DACH2: variants seen among roughly 807,000 people sequenced by gnomAD.
DACH2 encodes dachshund homolog 2.
A neutral mutation model predicts 35.8 loss-of-function variants in DACH2; 17 were observed. The observed-to-expected ratio is 0.48, with a 90% CI of 0.33 to 0.71. The LOEUF (loss-of-function observed/expected upper bound fraction) is 0.71, where lower values mean the gene tolerates loss of function less well. Ranked by LOEUF, DACH2 falls within the 30% of genes least tolerant of loss-of-function variation. The pLI is 0.02. For missense variants in DACH2, 469 were observed against 472.7 expected, an observed-to-expected ratio of 0.99 and a Z score of 0.07; for synonymous variants, 195 against 177.3, an observed-to-expected ratio of 1.10 and a Z score of -0.79.
At chrX:86,199,625 G>T (rs2032093055) in intron 1 of DACH2, among the ~76,000 whole-genome samples, 1 of 111,843 alleles carries the variant, frequency 8.9e-6, no homozygotes, top group Admixed American at 9.5e-5. Flanking sequence ...CAACAGTCAA[G>T]CTGAGAGCCA....
intron 1 of DACH2, among the ~76,000 whole-genome samples, chrX:86,237,213 C>A (rs1486087566): frequency 2.7e-5 from 3 of 111,550 alleles, no homozygotes; most frequent in East Asian, 2.8e-4. Context: ...AATAACAATA[C>A]CTTCTTCTGT....
intron 1 of DACH2, among the ~76,000 whole-genome samples, chrX:86,313,933 G>T (rs935377496): frequency 8.9e-6 from 1 of 111,736 alleles, no homozygotes; most frequent in African/African-American, 3.3e-5. Flanking sequence ...ACTGCAAATG[G>T]TTTCATTATT....
intron 3 of DACH2, among the ~76,000 whole-genome samples, chrX:86,601,145 C>T (rs1398744257): frequency 3.6e-5 from 4 of 111,154 alleles, no homozygotes; most frequent in African/African-American, 1.3e-4. Flanking sequence ...TCATGGTATT[C>T]GGAATGCACT....
intron 2 of DACH2, among the ~76,000 whole-genome samples, chrX:86,470,940 C>G: frequency 9.0e-6 from 1 of 111,084 alleles, no homozygotes; most frequent in East Asian, 2.8e-4. Context: ...TATTAATTTG[C>G]AAGGCTCAAC....
In DACH2 at chrX:86,494,554, G is replaced by A. The variant is rs141313364; in HGVS notation, c.528-19725G>A. Among the ~76,000 whole-genome samples, 7 of 112,805 alleles carry A rather than the reference G, an allele frequency of 6.2e-5. No homozygotes were observed. In the Admixed American group the frequency reaches 6.6e-4, roughly 11 times the overall value. Reference sequence around the variant, plus strand: ...GTAAGAAATGTCACATGGTGAATGAGCGCAATGAGCAAATAAAATGTTTAA... The same window carrying A: ...GTAAGAAATGTCACATGGTGAATGAACGCAATGAGCAAATAAAATGTTTAA... On this transcript the variant is annotated intron_variant, in intron 2 of 11. Transcript: ENST00000373125.
intron 4 of DACH2, among the ~76,000 whole-genome samples, chrX:86,675,621 G>T (rs770958696): frequency 1.4e-4 from 16 of 111,535 alleles, no homozygotes; most frequent in African/African-American, 4.9e-4. Flanking sequence ...GGTGGTTGAG[G>T]CTGCAGTGAG....
In DACH2 at chrX:86,449,985, A is replaced by G. The variant is rs140445276; in HGVS notation, c.528-64294A>G. Among the ~76,000 whole-genome samples, 486 of 111,446 alleles carry G rather than the reference A, an allele frequency of 4.4e-3. 1 individual carries two copies. Among genetic ancestry groups the G allele is most frequent in the African/African-American group, 0.015 (448 of 30,790 alleles). ...TTTACCAGCGAATTTTATACTTTCA[A>G]ATGATTTCAGGTTACTCATTAATGT... On this transcript the variant is annotated intron_variant, in intron 2 of 11. Transcript: ENST00000373125.
rs186443464 is a variant in DACH2 at position 86,653,728 on chromosome X, C to T, written c.772+2561C>T. On this transcript the variant is annotated intron_variant, in intron 4 of 11. Coordinates refer to ENST00000373125, the MANE Select transcript of DACH2 (RefSeq NM_053281.3). The stretch of plus-strand genomic sequence containing the variant: ...TCACCCAGGCTGGAGTGCAGTGGCA[C>T]GATCTTGGCTCACTACAACCTCTGC... 3.9e-3 allele frequency among the ~76,000 whole-genome samples: 393 copies of T among 99,864 alleles called. 3 individuals carry two copies. Among genetic ancestry groups the T allele is most frequent in the African/African-American group, 0.014 (382 of 26,700 alleles). 86.7% of individuals were successfully genotyped at this position (99,864 alleles called of 115,157 possible).
chrX:86,379,564 A>G (rs1344362391), intron 2 of DACH2, among the ~76,000 whole-genome samples: 1 of 111,275 alleles, frequency 9.0e-6, no homozygotes, highest in Non-Finnish European at 1.9e-5. Flanking sequence ...AATGGTCACA[A>G]TGATTTGTAC....
At chrX:86,527,311 G>A (rs924182427) in intron 3 of DACH2, among the ~76,000 whole-genome samples, 6 of 111,784 alleles carry the variant, frequency 5.4e-5, no homozygotes, top group South Asian at 3.7e-4. Flanking sequence ...AAGATAGTGA[G>A]CATACTCATT....
At position 86,628,695 on chromosome X, in the gene DACH2, T is replaced by C. The variant is rs779912658; in HGVS notation, c.641-22341T>C. Reference sequence around the variant, plus strand: ...TAAAAACAACAAAGAATCATAGTAGTTGCTCTCTGCAGCAACAGAGCATGA... The same window carrying C: ...TAAAAACAACAAAGAATCATAGTAGCTGCTCTCTGCAGCAACAGAGCATGA... On this transcript the variant is annotated intron_variant, in intron 3 of 11. Transcript: ENST00000373125. 6.2e-5 allele frequency among the ~76,000 whole-genome samples: 7 copies of C among 112,234 alleles called. No homozygotes were observed. The East Asian group carries it at 1.1e-3, about 18-fold the overall frequency.
intron 1 of DACH2, among the ~76,000 whole-genome samples, chrX:86,214,984 A>T (rs1209222180): frequency 9.0e-6 from 1 of 111,689 alleles, no homozygotes; most frequent in Non-Finnish European, 1.9e-5. Flanking sequence ...TGATGTCAGG[A>T]TTGGTATAAG....
intron 1 of DACH2, among the ~76,000 whole-genome samples, chrX:86,229,739 G>A (rs2032908843): frequency 9.2e-6 from 1 of 108,597 alleles, no homozygotes; most frequent in African/African-American, 3.4e-5. Flanking sequence ...ATTGTGAAAG[G>A]GGTTGAGTTA....
At chrX:86,610,409 CTTTCTTTCTTTTCTTTCT>C (rs748514173) in intron 3 of DACH2, among the ~76,000 whole-genome samples, 52 of 71,831 alleles carry the variant, frequency 7.2e-4, no homozygotes, top group African/African-American at 2.9e-3. Flanking sequence ...TTCTTTCTTT[CTTTCTTTCTTTTCTTTCT>C]TTCTTTCTTT....
At chrX:86,455,332 G>T (rs2037455606) in intron 2 of DACH2, among the ~76,000 whole-genome samples, 1 of 111,300 alleles carries the variant, frequency 9.0e-6, no homozygotes, top group Admixed American at 9.5e-5. Context: ...GTGTTGGGAG[G>T]ATTCTTTCTC....
chrX:86,573,276 G>T (rs774874780), intron 3 of DACH2, among the ~76,000 whole-genome samples: 1 of 111,180 alleles, frequency 9.0e-6, no homozygotes, highest in Admixed American at 9.6e-5. Flanking sequence ...ATCACCACTG[G>T]TAGTTTTAAT....
intron 4 of DACH2, among the ~76,000 whole-genome samples, chrX:86,666,352 AG>A (rs1170466584): frequency 9.0e-6 from 1 of 110,588 alleles, no homozygotes; most frequent in African/African-American, 3.3e-5. Context: ...TGCATGCTGA[AG>A]TGCTGAAGCA....
intron 1 of DACH2, among the ~76,000 whole-genome samples, chrX:86,227,747 A>G (rs1313066402): frequency 9.2e-6 from 1 of 109,129 alleles, no homozygotes; most frequent in Non-Finnish European, 1.9e-5. Context: ...GCTGGTCACA[A>G]CCTACTAAAT....
At chrX:86,368,566 T>A (rs1330600155) in intron 1 of DACH2, among the ~76,000 whole-genome samples, 1 of 15,967 alleles carries the variant, frequency 6.3e-5, no homozygotes, top group East Asian at 0.016. Context: ...TTCTTCTTCT[T>A]TTTTTTTTTT....
Sources: gnomAD v4.1 joint callset for allele counts (sites outside exome capture counted in the v4.1 genomes callset) on GRCh38, gnomAD v4.1.1 for gene constraint, MANE v1.5 for transcripts, NCBI Gene and HGNC (gene_info 2026-07-23, HGNC 2026-07-21) for gene names.